VAV3: variants seen among roughly 807,000 people sequenced by gnomAD.
VAV3 encodes the protein guanine nucleotide exchange factor VAV3.
In VAV3, 94 loss-of-function variants were observed where a neutral mutation model predicts 131.2. The ratio of observed to expected loss-of-function variants is 0.72; its 90% confidence interval spans 0.61 to 0.85. The LOEUF (loss-of-function observed/expected upper bound fraction) is 0.85. Ranked by LOEUF, VAV3 falls within the 40% of genes least tolerant of loss-of-function variation. The pLI is 0.00. For missense variants in VAV3, 939 were observed against 1,002.7 expected (o/e 0.94, Z 0.86); for synonymous variants, 349 against 342.0 (o/e 1.02, Z -0.22).
intron 1 of VAV3, among the ~76,000 whole-genome samples, chr1:107,931,674 T>A (rs1557931728): frequency 6.6e-6 from 1 of 152,230 alleles, no homozygotes; most frequent in Non-Finnish European, 1.5e-5. Context: ...AAATTATTCC[T>A]TACTTAACAA....
At chr1:107,749,317 T>G in intron 14 of VAV3, 145 bp downstream of exon 14, 2 of 975,746 alleles carry the variant, frequency 2.0e-6, no homozygotes, top group East Asian at 2.7e-5. Context: ...TCCAGTTATT[T>G]CTCACAAAGT....
intron 17 of VAV3, among the ~76,000 whole-genome samples, chr1:107,694,220 T>G (rs536776967): frequency 1.3e-5 from 2 of 152,286 alleles, no homozygotes; most frequent in East Asian, 3.9e-4. Flanking sequence ...CATTGGATGG[T>G]CAAGGTACGG....
At chr1:107,805,715 T>C (rs1667028155) in intron 2 of VAV3, among the ~76,000 whole-genome samples, 1 of 152,204 alleles carries the variant, frequency 6.6e-6, no homozygotes. Context: ...TACTATTGTT[T>C]CTTGTGGATG....
rs533028591 is a variant in VAV3 at position 107,941,364 on chromosome 1, G to C, written c.204+23302C>G. ...TTAGTCTTGGGCAACAGCATCTGTT[G>C]CAACGGCTTTTTGCTGTGTAATTGC... On this transcript the variant is annotated intron_variant, in intron 1 of 26. Coordinates refer to ENST00000370056, the MANE Select transcript of VAV3 (RefSeq NM_006113.5). Among the ~76,000 whole-genome samples the C allele has an allele frequency of 2.0e-5, 3 of 152,272 alleles. No individual in the cohort carries two copies. The South Asian group carries it at 6.2e-4, about 32-fold the overall frequency.
At chr1:107,766,309 G>A in intron 8 of VAV3, 138 bp downstream of exon 8, 1 of 598,564 alleles carries the variant, frequency 1.7e-6, no homozygotes, top group Non-Finnish European at 2.9e-6. Context: ...TACTCTGAAA[G>A]TAATTGTCCC....
chr1:107,807,090 C>T (rs1371079796), intron 2 of VAV3, among the ~76,000 whole-genome samples: 2 of 152,124 alleles, frequency 1.3e-5, no homozygotes, highest in African/African-American at 4.8e-5. Context: ...GAACGCAAAA[C>T]CCACAGTTCA....
At chr1:107,585,360 GTTTTT>G in intron 25 of VAV3, among the ~76,000 whole-genome samples, 1 of 151,916 alleles carries the variant, frequency 6.6e-6, no homozygotes, top group South Asian at 2.1e-4. Context: ...TATTTTCATG[GTTTTT>G]TTTATTATAA....
intron 1 of VAV3, among the ~76,000 whole-genome samples, chr1:107,918,783 G>C (rs893120239): frequency 5.4e-5 from 8 of 147,776 alleles, no homozygotes; most frequent in Non-Finnish European, 1.2e-4. Flanking sequence ...TCAGCTCACC[G>C]CAACCTCTGC....
At chr1:107,905,759 GCTTT>G (rs1260490379) in intron 1 of VAV3, among the ~76,000 whole-genome samples, 3 of 151,896 alleles carry the variant, frequency 2.0e-5, no homozygotes, top group Admixed American at 6.6e-5. Context: ...CTTCAATATT[GCTTT>G]CTAAGACATA....
chr1:107,623,280 C>G (rs990317249), intron 20 of VAV3, among the ~76,000 whole-genome samples: 5 of 152,198 alleles, frequency 3.3e-5, no homozygotes, highest in Admixed American at 2.0e-4. Context: ...TTACAAGGAT[C>G]AAAGAATTAA....
chr1:107,958,813 T>C (rs937715441), intron 1 of VAV3, among the ~76,000 whole-genome samples: 1 of 152,112 alleles, frequency 6.6e-6, no homozygotes, highest in Non-Finnish European at 1.5e-5. Context: ...GTGTGTGATG[T>C]TCCCCTCCCT....
chr1:107,731,808 C>A (rs989597730), intron 15 of VAV3, among the ~76,000 whole-genome samples: 1 of 152,124 alleles, frequency 6.6e-6, no homozygotes, highest in African/African-American at 2.4e-5. Flanking sequence ...ATCTCCTCTT[C>A]AGAGAATGTA....
At position 107,606,766 on chromosome 1, in the gene VAV3, G is replaced by GT. The variant is rs778980876; in HGVS notation, c.2015+3164dup. On this transcript the variant is annotated intron_variant, in intron 22 of 26. Coordinates refer to ENST00000370056, the MANE Select transcript of VAV3 (RefSeq NM_006113.5). The stretch of plus-strand genomic sequence containing the variant: ...CTTAATTTTGAAGATGTAAATAAAA[G>GT]TTTTTTTAAGGTGTCTGCTCACTCC... Among the ~76,000 whole-genome samples, 2 of 121,786 alleles carry GT rather than the reference G, an allele frequency of 1.6e-5. 1 individual carries two copies. Among genetic ancestry groups the GT allele is most frequent in the Admixed American group, 1.6e-4 (2 of 12,542 alleles). 79.9% of individuals were successfully genotyped at this position (121,786 alleles called of 152,430 possible).
At chr1:107,921,486 T>C (rs1672896389) in intron 1 of VAV3, among the ~76,000 whole-genome samples, 1 of 152,220 alleles carries the variant, frequency 6.6e-6, no homozygotes, top group South Asian at 2.1e-4. Flanking sequence ...GTAAGAATGT[T>C]TGCCTAAAAA....
At chr1:107,679,201 C>A (rs555581880) in intron 19 of VAV3, among the ~76,000 whole-genome samples, 1 of 152,278 alleles carries the variant, frequency 6.6e-6, no homozygotes, top group South Asian at 2.1e-4. Context: ...GAAGATGTCT[C>A]TGCTACAAAA....
intron 2 of VAV3, among the ~76,000 whole-genome samples, chr1:107,821,976 T>C (rs72705684): frequency 0.02 from 3,079 of 152,258 alleles, 46 homozygotes; most frequent in Middle Eastern, 0.061. Context: ...AAAGAGAAAT[T>C]GCATGCAGGG....
intron 2 of VAV3, among the ~76,000 whole-genome samples, chr1:107,837,111 AC>A (rs1310853589): frequency 2.0e-5 from 3 of 151,992 alleles, no homozygotes; most frequent in Admixed American, 2.0e-4. Context: ...GCAAAAAAAA[AC>A]AAAACGAAAC....
chr1:107,697,674 G>T (rs1462413504), intron 17 of VAV3, among the ~76,000 whole-genome samples: 2 of 152,020 alleles, frequency 1.3e-5, no homozygotes, highest in African/African-American at 4.8e-5. Context: ...TTATGACCTT[G>T]TTTCTTCATC....
chr1:107,689,998 G>A (rs1003473474), intron 17 of VAV3, among the ~76,000 whole-genome samples: 11 of 152,132 alleles, frequency 7.2e-5, no homozygotes, highest in African/African-American at 2.7e-4. Context: ...TAAACTGCAG[G>A]AAGTGCTAAA....
Sources: gnomAD v4.1 joint callset for allele counts (sites outside exome capture counted in the v4.1 genomes callset) on GRCh38, gnomAD v4.1.1 for gene constraint, MANE v1.5 for transcripts, NCBI Gene and HGNC (gene_info 2026-07-23, HGNC 2026-07-21) for gene names.